The following TMTC1 variants were observed in gnomAD, a reference collection of about 807,000 sequenced individuals.
TMTC1 encodes protein O-mannosyl-transferase TMTC1.
In TMTC1, 73 loss-of-function variants were observed where a neutral mutation model predicts 104.8. That is an observed-to-expected ratio of 0.70 (90% CI 0.58 to 0.85). TMTC1 has a LOEUF of 0.85. Ranked by LOEUF, TMTC1 falls within the 40% of genes least tolerant of loss-of-function variation. TMTC1 has a pLI of 0.00. For missense variants in TMTC1, 1,035 were observed against 1,096.1 expected (o/e 0.94, Z 0.79); for synonymous variants, 434 against 428.7 (o/e 1.01, Z -0.15).
chr12:29,584,292 A>G (rs918904043), intron 7 of TMTC1, among the ~76,000 whole-genome samples: 1 of 152,212 alleles, frequency 6.6e-6, no homozygotes, highest in African/African-American at 2.4e-5. Flanking sequence ...CACATCATCT[A>G]TGCACCAACA....
intron 5 of TMTC1, chr12:29,660,930 G>C (rs1939992685): frequency 8.2e-7 from 1 of 1,226,190 alleles, no homozygotes; most frequent in African/African-American, 1.5e-5. Context: ...GTGTCTACCA[G>C]ACACAATGTT....
At chr12:29,635,224 C>A (rs1218505171) in intron 5 of TMTC1, among the ~76,000 whole-genome samples, 4 of 151,898 alleles carry the variant, frequency 2.6e-5, no homozygotes, top group Non-Finnish European at 5.9e-5. Flanking sequence ...ATCTTTCAGG[C>A]TTGGGCCTGC....
At chr12:29,562,660 T>C (rs1489666937) in intron 9 of TMTC1, among the ~76,000 whole-genome samples, 3 of 152,194 alleles carry the variant, frequency 2.0e-5, no homozygotes, top group Non-Finnish European at 4.4e-5. Flanking sequence ...ATTCCAGCTA[T>C]GTGAGTTTGA....
chr12:29,614,097 T>A, intron 6 of TMTC1: 1 of 168,642 alleles, frequency 5.9e-6, no homozygotes, highest in East Asian at 1.9e-4. Flanking sequence ...TTTATCAAAC[T>A]ACGGAGATAT....
At chr12:29,755,925 A>G in intron 3 of TMTC1, 40 bp from the exon 4 acceptor site, 1 of 1,598,450 alleles carries the variant, frequency 6.3e-7, no homozygotes, top group Non-Finnish European at 8.5e-7. Flanking sequence ...CTAAGAAAGA[A>G]TATGGTCTGC....
chr12:29,638,600 C>T (rs949145270), intron 5 of TMTC1, among the ~76,000 whole-genome samples: 4 of 152,188 alleles, frequency 2.6e-5, no homozygotes, highest in African/African-American at 4.8e-5. Context: ...CGCCTGCAGA[C>T]GGCAAAGCTG....
intron 8 of TMTC1, among the ~76,000 whole-genome samples, chr12:29,579,080 A>G (rs994052982): frequency 6.6e-6 from 1 of 152,200 alleles, no homozygotes. Context: ...TTGTAAGGTT[A>G]CAGACCCAAT....
intron 8 of TMTC1, 54 bp downstream of exon 8, chr12:29,583,353 T>G (rs933253328): frequency 6.4e-7 from 1 of 1,553,378 alleles, no homozygotes; most frequent in Non-Finnish European, 8.8e-7. Flanking sequence ...TGGAAACAAT[T>G]TGTAAGCAAA....
chr12:29,543,561 G>A (rs958643112), intron 10 of TMTC1, among the ~76,000 whole-genome samples: 31 of 152,104 alleles, frequency 2.0e-4, no homozygotes, highest in African/African-American at 7.2e-4. Flanking sequence ...TTCCTTTGTC[G>A]GGGTGTCTGT....
intron 5 of TMTC1, among the ~76,000 whole-genome samples, chr12:29,652,535 G>A (rs1814590745): frequency 6.6e-6 from 1 of 152,200 alleles, no homozygotes; most frequent in Non-Finnish European, 1.5e-5. Flanking sequence ...AAACAAAAAG[G>A]CAAAGGTAGT....
intron 8 of TMTC1, among the ~76,000 whole-genome samples, chr12:29,573,091 C>T (rs1270781743): frequency 2.0e-5 from 3 of 152,102 alleles, no homozygotes; most frequent in African/African-American, 2.4e-5. Context: ...AAGGTCATCG[C>T]TTCCTCCTTG....
At chr12:29,757,569 A>G (rs1477833690) in intron 3 of TMTC1, among the ~76,000 whole-genome samples, 1 of 152,196 alleles carries the variant, frequency 6.6e-6, no homozygotes, top group Admixed American at 6.5e-5. Context: ...TCCAAAGATC[A>G]GGGCCACCAA....
intron 5 of TMTC1, among the ~76,000 whole-genome samples, chr12:29,662,230 A>G (rs999722006): frequency 1.3e-5 from 2 of 152,182 alleles, no homozygotes; most frequent in African/African-American, 4.8e-5. Flanking sequence ...GTTTTCCCCA[A>G]CAAAATTTGC....
Position 29,572,132 on chromosome 12 carries a change from G to A in TMTC1, c.1505C>T (p.Ala502Val), listed in dbSNP as rs772670281. 1.1e-5 allele frequency: 17 copies of A among 1,613,786 alleles called. No individual in the cohort carries two copies. Among genetic ancestry groups the A allele is most frequent in the Admixed American group, 8.3e-5 (5 of 59,986 alleles). ...FLKDQGRNKE[A>V]IYHYRTALKL... ...GAGAGCTGTTCTGTAGTGGTAGATCGCTTCCTTGTTCCGACCTTGGTCCTT... is the reference window on the plus strand; with the variant it reads ...GAGAGCTGTTCTGTAGTGGTAGATCACTTCCTTGTTCCGACCTTGGTCCTT... Residue 502 changes from alanine (A) to valine (V), a missense_variant, in exon 9 of 18, where the codon GCG becomes GTG. Ala to Val is a moderately conservative substitution (Grantham distance 64, BLOSUM62 0). Transcript: ENST00000539277.
rs1408030308 is a variant in TMTC1, at chr12:29,691,769, T to G, written c.939-58433A>C. Among the ~76,000 whole-genome samples, 4 of 140,592 alleles carry G rather than the reference T, an allele frequency of 2.8e-5. No individual in the cohort carries two copies. The East Asian group carries it at 9.5e-4, about 33-fold the overall frequency. The allele number at this position is 140,592 out of a possible 152,430, so 92.2% of individuals were successfully genotyped here. A position where few individuals can be genotyped will look rare whatever the true frequency, so the allele number is the denominator to read the frequency against. ...TTCCCACAATGGTGTACTGGAGGTC[T>G]GAGAGAGGACACAAGTGAGTGTGCT... On this transcript the variant is annotated intron_variant, in intron 5 of 17. Coordinates refer to ENST00000539277, the MANE Select transcript of TMTC1 (RefSeq NM_001193451.2).
intron 5 of TMTC1, among the ~76,000 whole-genome samples, chr12:29,748,448 A>G (rs140555090): frequency 2.9e-4 from 44 of 152,364 alleles, no homozygotes; most frequent in African/African-American, 9.1e-4. Context: ...CCCAAAGCTT[A>G]GCCCTCGCTC....
rs568648424 is a variant in TMTC1 at position 29,603,777 on chromosome 12, G to A, written c.1250+401C>T. Reference sequence around the variant, plus strand: ...ATTTTTAAATTGAAGAAAAAAGAACGAACAAAAGAAGTTAATTACAATCAT... The same window carrying A: ...ATTTTTAAATTGAAGAAAAAAGAACAAACAAAAGAAGTTAATTACAATCAT... On this transcript the variant is annotated intron_variant, in intron 7 of 17. Transcript: ENST00000539277. Among the ~76,000 whole-genome samples the A allele has an allele frequency of 1.5e-3, 221 of 152,104 alleles. 2 individuals are homozygous for A. The highest frequency in any genetic ancestry group is 2.5e-3 in the Non-Finnish European group (172 of 67,972).
At chr12:29,670,765 T>C (rs1940472197) in intron 5 of TMTC1, among the ~76,000 whole-genome samples, 1 of 150,756 alleles carries the variant, frequency 6.6e-6, no homozygotes, top group Non-Finnish European at 1.5e-5. Flanking sequence ...CTCATCTGTA[T>C]TAAAAATACA....
At chr12:29,725,098 G>A (rs1455323446) in intron 5 of TMTC1, among the ~76,000 whole-genome samples, 1 of 127,328 alleles carries the variant, frequency 7.9e-6, no homozygotes, top group Non-Finnish European at 1.6e-5. Flanking sequence ...TCGGCTCACT[G>A]TAACCTCCTC....
Sources: gnomAD v4.1 joint callset for allele counts (sites outside exome capture counted in the v4.1 genomes callset) on GRCh38, gnomAD v4.1.1 for gene constraint, MANE v1.5 for transcripts, NCBI Gene and HGNC (gene_info 2026-07-23, HGNC 2026-07-21) for gene names.